The following NEMF variants were observed in gnomAD, a reference collection of about 807,000 sequenced individuals.
The protein encoded by NEMF is nuclear export mediator factor, also known as ribosome quality control complex subunit NEMF.
A neutral mutation model predicts 162.2 loss-of-function variants in NEMF; 89 were observed. The observed-to-expected ratio is 0.55, with a 90% confidence interval of 0.46 to 0.65. The LOEUF is 0.65. Ranked by LOEUF, NEMF falls within the 30% of genes least tolerant of loss-of-function variation. The pLI, the probability that NEMF is intolerant of heterozygous loss-of-function variation, is 0.00. For missense variants in NEMF, 1,133 were observed against 1,261.9 expected, an observed-to-expected ratio of 0.90 and a Z score of 1.55; for synonymous variants, 421 against 404.5, an observed-to-expected ratio of 1.04 and a Z score of -0.49.
rs754443002 is a variant in NEMF, at chr14:49,828,802, G to T, written c.1238C>A (p.Pro413Gln). The T allele has an allele frequency of 6.6e-6, 10 of 1,525,830 alleles. No individual in the cohort carries two copies. Among genetic ancestry groups the T allele is most frequent in the Non-Finnish European group, 8.8e-6 (10 of 1,133,622 alleles). 94.5% of individuals were successfully genotyped at this position (1,525,830 alleles called of 1,614,324 possible). A position where few individuals can be genotyped will look rare whatever the true frequency, so the allele number is the denominator to read the frequency against. ...TNHVTMLLRN[P>Q]YLLSEEEDDD... ...ATCTTCCTCCTCTGATAACAAGTAT[G>T]GATTTCTATTAAAAATATTCAATAG... Residue 413 changes from proline to glutamine, a missense_variant, in exon 14 of 33, where the codon CCA (proline) becomes CAA (glutamine). By Grantham distance (76) the Pro-to-Gln change is moderately conservative (BLOSUM62 -1). Coordinates refer to ENST00000298310, the MANE Select transcript of NEMF (RefSeq NM_004713.6).
Position 49,800,639 on chromosome 14 carries a change from A to G in NEMF, c.2153T>C (p.Val718Ala), listed in dbSNP as rs771102945. Residue 718 changes from valine (V) to alanine (A), a missense_variant, in exon 23 of 33, where the codon GTA (valine) becomes GCA (alanine). This residue lies in a region of NEMF where 532 missense variants were observed against 578.6 expected (regional missense o/e 0.92). Transcript: ENST00000298310. The part of the protein sequence containing the change: ...DKEEHETPVE[V>A]ELMTQVDQED... ...TTGGTCAACCTGAGTCATGAGTTCT[A>G]CTTCCACAGGAGTTTCATGTTCTTC... 3.7e-6 allele frequency: 6 copies of G among 1,613,646 alleles called. No homozygotes were observed. Among genetic ancestry groups the G allele is most frequent in the Middle Eastern group, 1.6e-4 (1 of 6,082 alleles).
intron 16 of NEMF, among the ~76,000 whole-genome samples, chr14:49,818,765 A>C (rs1891846190): frequency 1.3e-5 from 2 of 152,098 alleles, no homozygotes; most frequent in African/African-American, 4.8e-5. Flanking sequence ...TCAGCCTATT[A>C]TTTCCACTGG....
At chr14:49,806,885 T>C (rs544993919) in intron 18 of NEMF, among the ~76,000 whole-genome samples, 6 of 152,330 alleles carry the variant, frequency 3.9e-5, no homozygotes, top group African/African-American at 1.2e-4. Flanking sequence ...TGGGGTATAA[T>C]TCACATGCCA....
intron 16 of NEMF, among the ~76,000 whole-genome samples, chr14:49,825,235 G>A (rs540754213): frequency 2.4e-4 from 37 of 152,268 alleles, no homozygotes; most frequent in Non-Finnish European, 4.3e-4. Flanking sequence ...AAATTATGCT[G>A]TAACTGTGTG....
rs537451849 is a variant in NEMF, at chr14:49,817,625, T to C, written c.1578-2768A>G. 4.6e-5 allele frequency among the ~76,000 whole-genome samples: 7 copies of C among 152,324 alleles called. No homozygotes were observed. The East Asian group carries it at 7.7e-4, about 17-fold the overall frequency. On this transcript the variant is annotated intron_variant, in intron 16 of 32. Coordinates refer to ENST00000298310, the MANE Select transcript of NEMF (RefSeq NM_004713.6). ...CAGTTATATAGTTTTATCACCTAAT[T>C]ACATTGTCTCATATATAAAAAGCAA...
At chr14:49,846,539 C>T (rs1594810814) in intron 3 of NEMF, among the ~76,000 whole-genome samples, 1 of 152,280 alleles carries the variant, frequency 6.6e-6, no homozygotes, top group Non-Finnish European at 1.5e-5. Context: ...GATCATGGCT[C>T]GCTGCAGCCT....
intron 5 of NEMF, among the ~76,000 whole-genome samples, chr14:49,838,872 C>T (rs1215575543): frequency 6.6e-6 from 1 of 152,044 alleles, no homozygotes; most frequent in Non-Finnish European, 1.5e-5. Flanking sequence ...GCGTGAGACA[C>T]CGTGCCCAGC....
intron 22 of NEMF, 65 bp downstream of exon 22, chr14:49,802,388 G>T: frequency 1.3e-6 from 2 of 1,521,750 alleles, no homozygotes; most frequent in Non-Finnish European, 1.8e-6. Flanking sequence ...ATCTTCTAAG[G>T]ATTTAGAAGC....
rs753281525 is a variant in NEMF, at chr14:49,814,821, G to C, written c.1614C>G (p.Asn538Lys). ...GATCTCGTCCACCTATAATTAGATA[G>C]TTCTCTGAGCTAATGAACCACAGAA... ...EKFLWFISSE[N>K]YLIIGGRDQQ... Residue 538 changes from asparagine to lysine, a missense_variant, in exon 17 of 33, where the codon AAC becomes AAG. Physicochemically the swap from Asn to Lys is moderately conservative, Grantham distance 94 (BLOSUM62 0). Coordinates refer to ENST00000298310, the MANE Select transcript of NEMF (RefSeq NM_004713.6). The C allele has an allele frequency of 1.9e-6, 3 of 1,590,118 alleles. No homozygotes were observed. Among genetic ancestry groups the C allele is most frequent in the Non-Finnish European group, 2.6e-6 (3 of 1,171,142 alleles).
chr14:49,846,319 T>G, intron 3 of NEMF, 54 bp from the exon 4 acceptor site: 1 of 1,534,958 alleles, frequency 6.5e-7, no homozygotes, highest in East Asian at 2.2e-5. Context: ...TCCTAACCAT[T>G]TGGTATTGGT....
intron 22 of NEMF, chr14:49,801,219 G>C (rs1025330118): frequency 3.2e-5 from 5 of 154,636 alleles, no homozygotes; most frequent in African/African-American, 1.2e-4. Flanking sequence ...GCCAGGTGCA[G>C]TGGCTCATGC....
intron 28 of NEMF, among the ~76,000 whole-genome samples, chr14:49,788,638 A>AGCTCTGCCTCCCAGGTTCACGCT (rs1890296264): frequency 6.7e-6 from 1 of 150,036 alleles, no homozygotes; most frequent in South Asian, 2.1e-4. Flanking sequence ...GCTCACTGCA[A>AGCTCTGCCTCCCAGGTTCACGCT]GCTCTGCCTC....
At chr14:49,846,069 T>G (rs1893484865) in intron 4 of NEMF, 71 bp downstream of exon 4, 4 of 1,339,606 alleles carry the variant, frequency 3.0e-6, no homozygotes, top group Non-Finnish European at 4.2e-6. Context: ...CCCCCACTCA[T>G]GTTATATAGC....
chr14:49,800,818 G>T, intron 22 of NEMF, 122 bp from the exon 23 acceptor site: 1 of 913,060 alleles, frequency 1.1e-6, no homozygotes, highest in Non-Finnish European at 1.7e-6. Flanking sequence ...CAACAGAAAA[G>T]TGTCTGATCA....
intron 4 of NEMF, chr14:49,844,764 C>CACACACACACACAT (rs144835038): frequency 2.3e-4 from 75 of 329,386 alleles, no homozygotes; most frequent in African/African-American, 1.8e-3. Flanking sequence ...CACACACACA[C>CACACACACACACAT]ATATATTTTT....
chr14:49,818,950 C>T (rs1021658712), intron 16 of NEMF, among the ~76,000 whole-genome samples: 17 of 152,264 alleles, frequency 1.1e-4, no homozygotes, highest in African/African-American at 3.9e-4. Flanking sequence ...AACTTCCAAA[C>T]AGCATTTAAA....
intron 16 of NEMF, among the ~76,000 whole-genome samples, chr14:49,825,577 A>T (rs1417904477): frequency 6.6e-6 from 1 of 152,162 alleles, no homozygotes; most frequent in Non-Finnish European, 1.5e-5. Context: ...CTCTACAAAA[A>T]ATTAAAAAAT....
intron 28 of NEMF, among the ~76,000 whole-genome samples, chr14:49,787,568 C>T (rs1341917648): frequency 6.6e-6 from 1 of 152,140 alleles, no homozygotes; most frequent in African/African-American, 2.4e-5. Flanking sequence ...CAAAAGGGCA[C>T]TCATCTCATT....
At chr14:49,800,094 C>T (rs1890886123) in intron 23 of NEMF, among the ~76,000 whole-genome samples, 1 of 152,176 alleles carries the variant, frequency 6.6e-6, no homozygotes, top group African/African-American at 2.4e-5. Flanking sequence ...GCATTTATAA[C>T]TATGGACTAT....
Sources: gnomAD v4.1 joint callset for allele counts (sites outside exome capture counted in the v4.1 genomes callset) on GRCh38, gnomAD v4.1.1 for gene constraint, gnomAD v4.1.1 regional missense constraint, MANE v1.5 for transcripts, NCBI Gene and HGNC (gene_info 2026-07-23, HGNC 2026-07-21) for gene names.